The following ATAD2B variants were observed in gnomAD, a reference collection of about 807,000 sequenced individuals.
ATAD2B encodes ATPase family AAA domain containing 2B.
ATAD2B carries 40 observed loss-of-function variants against 167.6 expected under a neutral mutation model. That is an observed-to-expected ratio of 0.24 (90% CI 0.19 to 0.31). The LOEUF (loss-of-function observed/expected upper bound fraction) is 0.31, where lower values mean the gene tolerates loss of function less well. ATAD2B is among the 10% of genes least tolerant of loss of function. ATAD2B has a pLI of 1.00. For synonymous variants in ATAD2B, 579 were observed against 596.5 expected (o/e 0.97, Z 0.43); for missense variants, 1,242 against 1,757.2 (o/e 0.71, Z 5.24).
the ATAD2B span, chr2:23,696,207 G>A: frequency 3.3e-6 from 5 of 1,497,908 alleles, no homozygotes; most frequent in Non-Finnish European, 4.5e-6. This position sits in a 1 kb window ranked among gnomAD's most constrained non-coding sequence, Gnocchi z 5.5. Flanking sequence ...TCAGGGCTGA[G>A]GAAGGCCATG....
At chr2:23,830,128 A>T (rs2339930) in intron 14 of ATAD2B, among the ~76,000 whole-genome samples, 146,200 of 152,088 alleles carry the variant, frequency 0.96, 70,264 homozygotes, top group East Asian at 0.99. Flanking sequence ...GGATTACAGG[A>T]ACCCACCACC....
chr2:23,717,468 C>CA, the ATAD2B span, among the ~76,000 whole-genome samples: 44 of 150,300 alleles, frequency 2.9e-4, no homozygotes, highest in South Asian at 6.3e-4. Flanking sequence ...AGCACAGGGA[C>CA]AAAAAAAACA....
intron 11 of ATAD2B, among the ~76,000 whole-genome samples, chr2:23,864,295 G>A (rs1056529459): frequency 6.6e-6 from 1 of 152,006 alleles, no homozygotes; most frequent in Non-Finnish European, 1.5e-5. Context: ...TTGAGCCACC[G>A]TGCCCAGCCA....
chr2:23,900,645 T>A (rs1255019203), intron 1 of ATAD2B: 2 of 152,202 alleles, frequency 1.3e-5, no homozygotes, highest in African/African-American at 4.8e-5. Context: ...AGCATTATTA[T>A]ATAACATATT....
At position 23,857,479 on chromosome 2, in the gene ATAD2B, T is replaced by C; in HGVS notation, c.1504A>G (p.Ile502Val). The C allele has an allele frequency of 6.6e-7, 1 of 1,504,958 alleles. No homozygotes were observed. The highest frequency in any genetic ancestry group is 8.9e-7 in the Non-Finnish European group (1 of 1,128,260). The allele number at this position is 1,504,958 out of a possible 1,614,324, so 93.2% of individuals were successfully genotyped here. A position where few individuals can be genotyped will look rare whatever the true frequency, so the allele number is the denominator to read the frequency against. Residue 502 changes from isoleucine (I) to valine (V), a missense_variant, in exon 13 of 28, where the codon ATA becomes GTA. Coordinates refer to ENST00000238789, the MANE Select transcript of ATAD2B (RefSeq NM_017552.4). Reference sequence around the variant, plus strand: ...AATCCATCTATTTCATCAAAAAATATTATAGAAGGTCTCATCAAATATGCC... The same window carrying C: ...AATCCATCTATTTCATCAAAAAATACTATAGAAGGTCTCATCAAATATGCC... ...DQAYLMRPSIIFFDEIDGLAP... is the reference protein window; with the variant it reads ...DQAYLMRPSIVFFDEIDGLAP...
chr2:23,881,642 T>G (rs1274124041), intron 6 of ATAD2B, among the ~76,000 whole-genome samples: 2 of 152,136 alleles, frequency 1.3e-5, no homozygotes, highest in African/African-American at 4.8e-5. Context: ...ATTATAGGCG[T>G]GAGCCACCGC....
chr2:23,780,984 A>C (rs917079481), intron 22 of ATAD2B, among the ~76,000 whole-genome samples: 7 of 151,822 alleles, frequency 4.6e-5, no homozygotes, highest in East Asian at 1.9e-4. Context: ...TAAAAATAAG[A>C]AGCATTTTTT....
At chr2:23,745,633 T>C (rs754911003), downstream of ATAD2B, among the ~76,000 whole-genome samples, 1 of 152,162 alleles carries the variant, frequency 6.6e-6, no homozygotes, top group Non-Finnish European at 1.5e-5. Flanking sequence ...TATTTCAGTT[T>C]CCCCTTCTCT....
chr2:23,742,837 T>C, the ATAD2B span, among the ~76,000 whole-genome samples: 1 of 152,114 alleles, frequency 6.6e-6, no homozygotes, highest in Admixed American at 6.5e-5. Flanking sequence ...AAGATCTGAA[T>C]AACAGTAGTT....
chr2:23,782,794 G>C (rs1449276127), intron 22 of ATAD2B, 75 bp downstream of exon 22: 1 of 1,268,354 alleles, frequency 7.9e-7, no homozygotes, highest in Non-Finnish European at 1.1e-6. Flanking sequence ...TAGAACACAG[G>C]CATGACTTAG....
chr2:23,791,705 G>A (rs554821398), intron 19 of ATAD2B, among the ~76,000 whole-genome samples: 24 of 152,260 alleles, frequency 1.6e-4, no homozygotes, highest in Admixed American at 5.9e-4. Context: ...GTTACAACAT[G>A]CATCAAAATT....
the ATAD2B span, among the ~76,000 whole-genome samples, chr2:23,683,430 G>C: frequency 6.6e-6 from 1 of 152,206 alleles, no homozygotes. Flanking sequence ...GGGGAGCAGT[G>C]GTCAACTGAA....
rs1402173713 is a variant in ATAD2B at position 23,926,791 on chromosome 2, G to A, written c.-21C>T. The A allele has an allele frequency of 6.7e-7, 1 of 1,498,828 alleles. No individual in the cohort carries two copies. Among genetic ancestry groups the A allele is most frequent in the African/African-American group, 1.4e-5 (1 of 70,308 alleles). 92.8% of individuals were successfully genotyped at this position (1,498,828 alleles called of 1,614,324 possible). ...ACCATGGTCCAGCCAGGGGGACGGA[G>A]TCCACGCCGCGCCCGGGAGAGCCGA... On this transcript the variant is annotated 5_prime_UTR_variant, in exon 1 of 28. Coordinates refer to ENST00000238789, the MANE Select transcript of ATAD2B (RefSeq NM_017552.4).
At chr2:23,720,571 T>C in the ATAD2B span, among the ~76,000 whole-genome samples, 4 of 105,494 alleles carry the variant, frequency 3.8e-5, no homozygotes, top group Non-Finnish European at 6.1e-5. Flanking sequence ...AGAGCGAGAC[T>C]CCGTCTCAAA....
chr2:23,732,492 T>C, the ATAD2B span, among the ~76,000 whole-genome samples: 1 of 152,208 alleles, frequency 6.6e-6, no homozygotes, highest in Non-Finnish European at 1.5e-5. Context: ...AACAATGTTA[T>C]TTTCTGTACC....
chr2:23,706,430 G>A, the ATAD2B span: 2 of 1,369,346 alleles, frequency 1.5e-6, no homozygotes, highest in South Asian at 3.4e-5. Flanking sequence ...CTATCTCCAG[G>A]GCCAAGTTGG....
intron 22 of ATAD2B, among the ~76,000 whole-genome samples, chr2:23,780,539 T>C (rs2712085): frequency 0.039 from 5,895 of 152,138 alleles, 110 homozygotes; most frequent in South Asian, 0.046. Flanking sequence ...TCATGTGAAA[T>C]TGAGAAATCT....
intron 7 of ATAD2B, among the ~76,000 whole-genome samples, chr2:23,877,104 C>T (rs1696979931): frequency 6.7e-6 from 1 of 149,614 alleles, no homozygotes; most frequent in East Asian, 2.0e-4. Context: ...AAATTTAGCA[C>T]AATCCATTCA....
At chr2:23,878,591 G>A (rs191737088) in intron 7 of ATAD2B, among the ~76,000 whole-genome samples, 172 of 152,034 alleles carry the variant, frequency 1.1e-3, no homozygotes, top group African/African-American at 3.9e-3. Context: ...CCTGGGAGGC[G>A]GAGCTTGCAG....
Sources: gnomAD v4.1 joint callset for allele counts (sites outside exome capture counted in the v4.1 genomes callset) on GRCh38, gnomAD v4.1.1 for gene constraint, Gnocchi (gnomAD v3.1) non-coding constraint, MANE v1.5 for transcripts, NCBI Gene and HGNC (gene_info 2026-07-23, HGNC 2026-07-21) for gene names.